The following HCFC1 variants were observed in gnomAD, a reference collection of about 807,000 sequenced individuals.
The protein encoded by HCFC1 is host cell factor 1.
A neutral mutation model predicts 105.5 loss-of-function variants in HCFC1; 7 were observed. The observed-to-expected ratio is 0.07, with a 90% CI of 0.04 to 0.12. The LOEUF (loss-of-function observed/expected upper bound fraction) is 0.12, where lower values mean the gene tolerates loss of function less well. HCFC1 is among the 10% of genes least tolerant of loss of function. HCFC1 has a pLI of 1.00. For synonymous variants in HCFC1, 918 were observed against 828.1 expected (o/e 1.11, Z -1.86); for missense variants, 1,065 against 1,823.6 (o/e 0.58, Z 7.58).
At chrX:153,957,181 T>C in intron 13 of HCFC1, 121 bp from the exon 14 acceptor site, 2 of 992,258 alleles carry the variant, frequency 2.0e-6, no homozygotes, top group East Asian at 3.1e-5. Flanking sequence ...TCACTACCCT[T>C]AGACACAAAA....
At chrX:153,952,197 GC>G (rs781791720) in intron 19 of HCFC1, 39 bp from the exon 20 acceptor site, 4 of 1,083,964 alleles carry the variant, frequency 3.7e-6, no homozygotes, top group Non-Finnish European at 4.8e-6. Flanking sequence ...TACTAGGAAG[GC>G]TGGCCAGAAG....
Position 153,953,618 on chromosome X carries a change from G to T in HCFC1, c.4486C>A (p.Pro1496Thr). The T allele has an allele frequency of 8.3e-7, 1 of 1,209,776 alleles. No individual in the cohort carries two copies. ...CCCTGGGCTCTTACCGGCACAGAGGGGCCCGGGACCGGTGTGGACTGCGTC... is the reference window on the plus strand; with the variant it reads ...CCCTGGGCTCTTACCGGCACAGAGGTGCCCGGGACCGGTGTGGACTGCGTC... ...TVTQSTPVPG[P>T]SVPPPEELQV... The change falls in exon 18 of 26, where the codon CCC becomes ACC. Residue 1496 changes from proline to threonine, a missense_variant. Physicochemically the swap from Pro to Thr is conservative, Grantham distance 38. Transcript: ENST00000310441.
chrX:153,958,852 G>A, intron 9 of HCFC1, 86 bp from the exon 10 acceptor site: 2 of 715,598 alleles, frequency 2.8e-6, no homozygotes, highest in Non-Finnish European at 4.0e-6. Context: ...CTGCCCAGGG[G>A]CTGCCCTGCT....
intron 13 of HCFC1, 50 bp downstream of exon 13, chrX:153,957,264 C>T (rs2065386683): frequency 9.3e-7 from 1 of 1,076,583 alleles, no homozygotes; most frequent in Non-Finnish European, 1.3e-6. Context: ...GACTCCATTT[C>T]CCCTCCAGTG....
chrX:153,968,610 C>A (rs1029314142), intron 1 of HCFC1, among the ~76,000 whole-genome samples: 2 of 112,573 alleles, frequency 1.8e-5, no homozygotes, highest in African/African-American at 6.5e-5. Context: ...CTCTAATGCA[C>A]AACCTGTCTT....
rs782437143 is a variant in HCFC1 at position 153,959,943 on chromosome X, G to C, written c.1303C>G (p.Pro435Ala). The C allele has an allele frequency of 2.5e-6, 3 of 1,210,997 alleles. No individual in the cohort carries two copies. The South Asian group carries it at 5.3e-5, about 21-fold the overall frequency. The change falls in exon 8 of 26, where the codon CCT becomes GCT. Residue 435 changes from proline (P) to alanine (A), a missense_variant. Physicochemically the swap from Pro to Ala is conservative, Grantham distance 27 (BLOSUM62 -1). This residue lies in a region of HCFC1 where 101 missense variants were observed against 155.1 expected (regional missense o/e 0.65). Transcript: ENST00000310441. ...ACTTGGGTCAGCGGCTGCACAGCAG[G>C]TGCGGCTGCTGCTGGGGCAGGGCTC... Reference protein sequence around the residue: ...PKSPAPAAAAPAVQPLTQVGI... With the variant: ...PKSPAPAAAAAAVQPLTQVGI...
chrX:153,958,579 G>A lies in HCFC1; in HGVS notation c.1793C>T (p.Ser598Leu), dbSNP rs1427764465. The change falls in exon 10 of 26, where the codon TCG becomes TTG. Residue 598 changes from serine to leucine, a missense_variant. Physicochemically the swap from Ser to Leu is moderately radical, Grantham distance 145. Around this residue, in one of 17 missense-constraint regions of HCFC1, gnomAD observed 137 missense variants for 378.2 expected, o/e 0.36. Coordinates refer to ENST00000310441, the MANE Select transcript of HCFC1 (RefSeq NM_005334.3). ...TLPATVKVAS[S>L]PVMVSNPATR... ...CCGGAAGACGCTCACCATGACTGGC[G>A]AGGAGGCCACCTTCACAGTGGCTGG... The A allele has an allele frequency of 4.2e-6, 5 of 1,199,135 alleles. No individual in the cohort carries two copies. The highest frequency in any genetic ancestry group is 4.5e-5 in the Admixed American group (2 of 44,722).
intron 9 of HCFC1, 135 bp downstream of exon 9, chrX:153,959,196 C>T (rs1753317000): frequency 1.5e-6 from 1 of 672,484 alleles, no homozygotes; most frequent in South Asian, 3.0e-5. Flanking sequence ...GTTTCCCCAT[C>T]TGCACGTCCC....
rs1489447866 is a variant in HCFC1 at position 153,953,238 on chromosome X, G to A, written c.4498-280C>T. 3 of 437,964 alleles carry A rather than the reference G, an allele frequency of 6.8e-6. No homozygotes were observed. The African/African-American group carries it at 7.4e-5, about 11-fold the overall frequency. 36.1% of individuals were successfully genotyped at this position (437,964 alleles called of 1,213,427 possible). On this transcript the variant is annotated intron_variant, in intron 18 of 25. Coordinates refer to ENST00000310441, the MANE Select transcript of HCFC1 (RefSeq NM_005334.3). The stretch of plus-strand genomic sequence containing the variant: ...AGCTCCAGCCCATGTTAAATAGGGA[G>A]GGGACAGTGGTTCTCTGACCAGCAT...
intron 8 of HCFC1, 128 bp from the exon 9 acceptor site, chrX:153,959,619 A>C (rs1177839040): frequency 2.1e-6 from 2 of 964,783 alleles, no homozygotes; most frequent in African/African-American, 3.9e-5. Flanking sequence ...CTGTGCCCTG[A>C]GAGTGACCAT....
Position 153,954,973 on chromosome X carries a change from G to A in HCFC1, c.3426C>T (p.Gly1142=). The part of the protein sequence containing the change: ...QRDARRACAA[G]TPAVIRISVA... ...CACTGATCCGGATCACGGCAGGGGTGCCAGCTGCACAGGCCCGACGGGCAT... is the reference window on the plus strand; with the variant it reads ...CACTGATCCGGATCACGGCAGGGGTACCAGCTGCACAGGCCCGACGGGCAT... The change falls in exon 17 of 26, where the codon GGC becomes GGT. Residue 1142 remains glycine (G), a synonymous_variant. Transcript: ENST00000310441. 8.3e-7 allele frequency: 1 copy of A among 1,203,300 alleles called. No homozygotes were observed. Among genetic ancestry groups the A allele is most frequent in the Non-Finnish European group, 1.1e-6 (1 of 892,269 alleles).
chrX:153,964,870 C>G, intron 1 of HCFC1, 144 bp from the exon 2 acceptor site: 4 of 537,170 alleles, frequency 7.4e-6, no homozygotes, highest in Non-Finnish European at 1.1e-5. Context: ...AGCTGCGCTA[C>G]CTGGGCCATC....
Position 153,949,333 on chromosome X carries a change from T to C in HCFC1, c.*14A>G, listed in dbSNP as rs1557111831. The C allele has an allele frequency of 1.7e-6, 2 of 1,198,446 alleles. No homozygotes were observed. Among genetic ancestry groups the C allele is most frequent in the Admixed American group, 4.4e-5 (2 of 45,422 alleles). On this transcript the variant is annotated 3_prime_UTR_variant, in exon 26 of 26. Transcript: ENST00000310441. ...GGGGTCTGGAGAAGAATCCAGGGGCTAGTCAGCTTCCTCTCACTGACCATC... is the reference window on the plus strand; with the variant it reads ...GGGGTCTGGAGAAGAATCCAGGGGCCAGTCAGCTTCCTCTCACTGACCATC...
chrX:153,960,989 C>G (rs781929350), intron 6 of HCFC1, among the ~76,000 whole-genome samples: 27 of 112,461 alleles, frequency 2.4e-4, no homozygotes, highest in Non-Finnish European at 3.9e-4. Flanking sequence ...TAGGTTTTCA[C>G]CCCTAGGATA....
rs2065303526 is a variant in HCFC1, at chrX:153,950,794, AC to A, written c.5703+18del. 5 of 1,199,810 alleles carry A rather than the reference AC, an allele frequency of 4.2e-6. No homozygotes were observed. The East Asian group carries it at 1.2e-4, about 29-fold the overall frequency. On this transcript the variant is annotated intron_variant, in intron 23 of 25. Transcript: ENST00000310441. ...AGAAACCAACCAGGGACAGACGGCC[AC>A]CCCACAGCAAGACTCACTTTGCTGA...
rs782448816 is a variant in HCFC1, at chrX:153,951,884, C to A, written c.5217G>T (p.Thr1739=). The A allele has an allele frequency of 8.4e-7, 1 of 1,194,094 alleles. No homozygotes were observed. Among genetic ancestry groups the A allele is most frequent in the East Asian group, 3.0e-5 (1 of 33,551 alleles). ...ESNCLNELAG[T]VPSTVALLPS... is the part of the protein sequence containing the mutation. ...GCAGCAGCGCCACAGTGCTGGGGAC[C>A]GTGCCGGCCAGCTCATTGAGGCAAT... Residue 1739 remains threonine (T), a synonymous_variant, in exon 20 of 26, where the codon ACG becomes ACT. Coordinates refer to ENST00000310441, the MANE Select transcript of HCFC1 (RefSeq NM_005334.3).
rs782304462 is a variant in HCFC1, at chrX:153,958,121, G to A, written c.1932C>T (p.Ala644=). 4 of 1,211,859 alleles carry A rather than the reference G, an allele frequency of 3.3e-6. No individual in the cohort carries two copies. The Admixed American group carries it at 8.7e-5, about 26-fold the overall frequency. ...TVHKSGTVTV[A]QQAQVVTTVV... is the part of the protein sequence containing the mutation. ...CTGTGGTCACCACCTGGGCTTGCTG[G>A]GCCACTGTCACAGTGCCTGACTTGT... The change falls in exon 11 of 26, where the codon GCC becomes GCT. Residue 644 remains alanine, a synonymous_variant. Coordinates refer to ENST00000310441, the MANE Select transcript of HCFC1 (RefSeq NM_005334.3).
In HCFC1 at chrX:153,951,846, G is replaced by A; in HGVS notation, c.5255C>T (p.Thr1752Ile). 1 of 1,192,380 alleles carries A rather than the reference G, an allele frequency of 8.4e-7. No homozygotes were observed. Among genetic ancestry groups the A allele is most frequent in the Non-Finnish European group, 1.1e-6 (1 of 884,480 alleles). Residue 1752 changes from threonine (T) to isoleucine (I), a missense_variant, in exon 20 of 26, where the codon ACT becomes ATT. Around this residue, in one of 17 missense-constraint regions of HCFC1, gnomAD observed 115 missense variants for 143.7 expected, o/e 0.80. Coordinates refer to ENST00000310441, the MANE Select transcript of HCFC1 (RefSeq NM_005334.3). ...STVALLPSTA[T>I]ESLAPSNTFV... is the part of the protein sequence containing the mutation. ...ATTCGCCCTCAGTCGCTTACTCTCAGTGGCCGTTGAGGGCAGCAGCGCCAC... is the reference window on the plus strand; with the variant it reads ...ATTCGCCCTCAGTCGCTTACTCTCAATGGCCGTTGAGGGCAGCAGCGCCAC...
rs782762959 is a variant in HCFC1, at chrX:153,958,610, T to C, written c.1762A>G (p.Thr588Ala). Residue 588 changes from threonine to alanine, a missense_variant, in exon 10 of 26, where the codon ACC becomes GCC. Physicochemically the swap from Thr to Ala is moderately conservative, Grantham distance 58. Around this residue, in one of 17 missense-constraint regions of HCFC1, gnomAD observed 137 missense variants for 378.2 expected, o/e 0.36. Coordinates refer to ENST00000310441, the MANE Select transcript of HCFC1 (RefSeq NM_005334.3). ...GCCACCTTCACAGTGGCTGGGAGGGTGGTAGTGCCAGGTGTCACAGCCATG... is the reference window on the plus strand; with the variant it reads ...GCCACCTTCACAGTGGCTGGGAGGGCGGTAGTGCCAGGTGTCACAGCCATG... The part of the protein sequence containing the change: ...KTMAVTPGTT[T>A]LPATVKVASS... 47 of 1,201,235 alleles carry C rather than the reference T, an allele frequency of 3.9e-5. No homozygotes were observed. Among genetic ancestry groups the C allele is most frequent in the East Asian group, 2.4e-4 (8 of 33,558 alleles).
Sources: allele counts gnomAD v4.1 joint callset (sites outside exome capture counted in the v4.1 genomes callset), GRCh38; gene constraint gnomAD v4.1.1; regional missense constraint gnomAD v4.1.1; transcripts MANE v1.5; gene names NCBI Gene and HGNC (gene_info 2026-07-23, HGNC 2026-07-21).